Variants in CCT6B observed in about 807,000 individuals in gnomAD.
CCT6B encodes the protein chaperonin containing TCP1 subunit 6B.
In CCT6B, 49 loss-of-function variants were observed where a neutral mutation model predicts 61.5. That is an observed-to-expected ratio of 0.80 (90% CI 0.63 to 1.01). The LOEUF (loss-of-function observed/expected upper bound fraction) is 1.01, where lower values mean the gene tolerates loss of function less well. Ranked by LOEUF, CCT6B falls within the 50% of genes least tolerant of loss-of-function variation. The pLI is 0.00. For missense variants in CCT6B, 666 were observed against 634.7 expected, an observed-to-expected ratio of 1.05 and a Z score of -0.53; for synonymous variants, 228 against 214.5, an observed-to-expected ratio of 1.06 and a Z score of -0.55.
intron 5 of CCT6B, among the ~76,000 whole-genome samples, chr17:34,947,908 C>T (rs539608832): frequency 2.0e-5 from 3 of 148,470 alleles, no homozygotes; most frequent in Admixed American, 6.8e-5. Flanking sequence ...ACCTGGCAAG[C>T]GGAAGTTGCA....
intron 12 of CCT6B, among the ~76,000 whole-genome samples, 196 bp from the exon 13 acceptor site, chr17:34,929,230 G>A (rs934970744): frequency 2.6e-5 from 4 of 151,972 alleles, no homozygotes; most frequent in African/African-American, 9.7e-5. Context: ...ACATTCTGCC[G>A]CCTACTCTAT....
At position 34,954,480 on chromosome 17, in the gene CCT6B, A is replaced by G; in HGVS notation, c.456T>C (p.Ala152=). 3 of 1,613,618 alleles carry G rather than the reference A, an allele frequency of 1.9e-6. No individual in the cohort carries two copies. The highest frequency in any genetic ancestry group is 2.5e-6 in the Non-Finnish European group (3 of 1,179,672). Residue 152 remains alanine, a synonymous_variant, in exon 4 of 14, where the codon GCT becomes GCC. Transcript: ENST00000314144. ...GAACTTTAGTTTGTAATGATGTTCT[A>G]GCTACATCTAAGAGGATTTTTCTTT... ...EMKRKILLDV[A]RTSLQTKVHA...
Position 34,959,042 on chromosome 17 carries a change from A to G in CCT6B, c.202-348T>C, listed in dbSNP as rs78688531. On this transcript the variant is annotated intron_variant, in intron 2 of 13. Coordinates refer to ENST00000314144, the MANE Select transcript of CCT6B (RefSeq NM_006584.4). ...GAACATAAGGCAGTGCCCTTAAAAGATATTATTGATTTATAAGTATGCCTA... is the reference window on the plus strand; with the variant it reads ...GAACATAAGGCAGTGCCCTTAAAAGGTATTATTGATTTATAAGTATGCCTA... Among the ~76,000 whole-genome samples, 823 of 151,576 alleles carry G rather than the reference A, an allele frequency of 5.4e-3. 12 individuals carry two copies. The highest frequency in any genetic ancestry group is 0.018 in the African/African-American group (750 of 41,298).
In CCT6B at chr17:34,942,925, T is replaced by C. The variant is rs1353097044; in HGVS notation, c.615-19A>G. 2.9e-6 allele frequency: 4 copies of C among 1,385,952 alleles called. No individual in the cohort carries two copies. The highest frequency in any genetic ancestry group is 2.9e-5 in the African/African-American group (2 of 68,698). 85.9% of individuals were successfully genotyped at this position (1,385,952 alleles called of 1,614,324 possible). The stretch of plus-strand genomic sequence containing the variant: ...GATCAACCTATTAAAAATATTAATG[T>C]TTCTTACTTTGAATATATACTCTAA... On this transcript the variant is annotated intron_variant, in intron 5 of 13. Transcript: ENST00000314144.
intron 4 of CCT6B, among the ~76,000 whole-genome samples, chr17:34,953,623 C>T (rs1433520298): frequency 1.3e-5 from 2 of 152,034 alleles, no homozygotes; most frequent in Non-Finnish European, 2.9e-5. Flanking sequence ...AGCCACCATG[C>T]CCAGCCTATA....
intron 4 of CCT6B, among the ~76,000 whole-genome samples, chr17:34,952,610 A>C (rs1469450536): frequency 6.6e-6 from 1 of 152,228 alleles, no homozygotes; most frequent in East Asian, 1.9e-4. Context: ...ATTGTAAAGT[A>C]AAATTGACAC....
chr17:34,948,575 G>A (rs2090251830), intron 5 of CCT6B, among the ~76,000 whole-genome samples: 1 of 152,014 alleles, frequency 6.6e-6, no homozygotes. Flanking sequence ...TTAGCTGAAT[G>A]TTTTGGCACA....
chr17:34,935,114 A>T (rs2090079286), intron 10 of CCT6B, among the ~76,000 whole-genome samples: 1 of 152,220 alleles, frequency 6.6e-6, no homozygotes, highest in African/African-American at 2.4e-5. Context: ...AACATGAATG[A>T]GCCTTGATGA....
At chr17:34,945,903 A>T (rs540193986) in intron 5 of CCT6B, among the ~76,000 whole-genome samples, 3 of 152,256 alleles carry the variant, frequency 2.0e-5, no homozygotes, top group South Asian at 2.1e-4. Context: ...CAGGATCAGT[A>T]GGTTCTTTTA....
In CCT6B at chr17:34,935,865, A is replaced by AC. The variant is rs1347008558; in HGVS notation, c.1213+3317_1213+3318insG. Among the ~76,000 whole-genome samples the AC allele has an allele frequency of 7.2e-5, 11 of 151,992 alleles. No homozygotes were observed. The South Asian group carries it at 2.3e-3, about 32-fold the overall frequency. ...AAGTGAGACTTCATCTCAAAAGAAAAAAAAAAAAATCATATGATCATCTCA... is the reference window on the plus strand; with the variant it reads ...AAGTGAGACTTCATCTCAAAAGAAAACAAAAAAAAATCATATGATCATCTCA... On this transcript the variant is annotated intron_variant, in intron 10 of 13. Transcript: ENST00000314144.
chr17:34,929,778 T>C (rs529529085), intron 12 of CCT6B, among the ~76,000 whole-genome samples: 11 of 152,110 alleles, frequency 7.2e-5, no homozygotes, highest in Non-Finnish European at 1.5e-4. Context: ...CCTCCCAGAG[T>C]GCTGGGATTA....
At chr17:34,940,052 T>C (rs1020805766) in intron 8 of CCT6B, among the ~76,000 whole-genome samples, 5 of 152,136 alleles carry the variant, frequency 3.3e-5, no homozygotes, top group African/African-American at 1.2e-4. Context: ...TTGCAAAAGA[T>C]TTTTAAAAAG....
chr17:34,933,797 A>G (rs780655947), intron 10 of CCT6B, among the ~76,000 whole-genome samples: 1 of 152,172 alleles, frequency 6.6e-6, no homozygotes, highest in Admixed American at 6.6e-5. Context: ...AGGAACGAAG[A>G]AAGTTCTCAA....
intron 10 of CCT6B, among the ~76,000 whole-genome samples, chr17:34,935,728 A>T (rs1047573820): frequency 2.0e-5 from 3 of 152,022 alleles, no homozygotes; most frequent in Non-Finnish European, 4.4e-5. Flanking sequence ...ATGGTGGTGC[A>T]TGCCTGTAAT....
intron 10 of CCT6B, 54 bp downstream of exon 10, chr17:34,939,129 A>G: frequency 1.6e-6 from 2 of 1,280,910 alleles, no homozygotes; most frequent in Non-Finnish European, 2.3e-6. Context: ...ATATATATAT[A>G]CATATATACA....
At chr17:34,931,830 A>G (rs779920803) in intron 11 of CCT6B, among the ~76,000 whole-genome samples, 10 of 152,172 alleles carry the variant, frequency 6.6e-5, no homozygotes, top group Non-Finnish European at 1.2e-4. Flanking sequence ...TTTGAAACCA[A>G]TTAAGGCAAA....
intron 10 of CCT6B, among the ~76,000 whole-genome samples, chr17:34,933,914 A>C (rs913148649): frequency 1.3e-5 from 2 of 152,064 alleles, no homozygotes; most frequent in African/African-American, 4.8e-5. Context: ...AGATCACTTG[A>C]GCCCGGAAAT....
chr17:34,939,643 C>A lies in CCT6B; in HGVS notation c.1039G>T (p.Ala347Ser), dbSNP rs752349208. The A allele has an allele frequency of 1.9e-6, 3 of 1,610,970 alleles. No individual in the cohort carries two copies. The East Asian group carries it at 6.7e-5, about 36-fold the overall frequency. ...EDLTVDCLGHAGLVYEYTLGE... is the reference protein window; with the variant it reads ...EDLTVDCLGHSGLVYEYTLGE... ...AATGTATACTCATACACAAGACCAG[C>A]ATGTCCCAAGCAATCTACAGTGAGA... Residue 347 changes from alanine (A) to serine (S), a missense_variant, in exon 9 of 14, where the codon GCT becomes TCT. Ala to Ser is a moderately conservative substitution (Grantham distance 99, BLOSUM62 1). Transcript: ENST00000314144.
chr17:34,932,476 G>C lies in CCT6B; in HGVS notation c.1238C>G (p.Ala413Gly), dbSNP rs1160489363. 6.2e-7 allele frequency: 1 copy of C among 1,610,174 alleles called. No homozygotes were observed. The highest frequency in any genetic ancestry group is 2.2e-5 in the East Asian group (1 of 44,708). Reference sequence around the variant, plus strand: ...AGCTTCAGCCATTGCCACTTCAATTGCACCAGCTCCAGGAACCATACAACC... The same window carrying C: ...AGCTTCAGCCATTGCCACTTCAATTCCACCAGCTCCAGGAACCATACAACC... ...EDGCMVPGAG[A>G]IEVAMAEALV... Residue 413 changes from alanine (A) to glycine (G), a missense_variant, in exon 11 of 14, where the codon GCA (alanine) becomes GGA (glycine). Coordinates refer to ENST00000314144, the MANE Select transcript of CCT6B (RefSeq NM_006584.4).
Sources: gnomAD v4.1 joint callset for allele counts (sites outside exome capture counted in the v4.1 genomes callset) on GRCh38, gnomAD v4.1.1 for gene constraint, MANE v1.5 for transcripts, NCBI Gene and HGNC (gene_info 2026-07-23, HGNC 2026-07-21) for gene names.